The following MACF1 variants were observed in gnomAD, a reference collection of about 807,000 sequenced individuals.
MACF1 encodes the protein microtubule-actin cross-linking factor 1.
Under a neutral mutation model 854.8 loss-of-function variants are expected in MACF1, and 193 were observed. The ratio of observed to expected loss-of-function variants is 0.23; its 90% CI spans 0.20 to 0.25. The LOEUF (loss-of-function observed/expected upper bound fraction) is 0.25. Among genes scored for constraint, MACF1 ranks in the 10% least tolerant of loss-of-function variants. MACF1 has a pLI of 1.00. For missense variants in MACF1, 7,722 were observed against 8,929.1 expected (o/e 0.86, Z 5.45); for synonymous variants, 3,185 against 3,226.7 (o/e 0.99, Z 0.44).
At chr1:39,117,733 G>C (rs548451269) in intron 2 of MACF1, among the ~76,000 whole-genome samples, 104 of 152,264 alleles carry the variant, frequency 6.8e-4, no homozygotes, top group Non-Finnish European at 1.3e-3. Flanking sequence ...AACACTGAGA[G>C]TTCATAAACC....
At chr1:39,338,276 G>T (rs1204572701) in intron 38 of MACF1, among the ~76,000 whole-genome samples, 1 of 149,936 alleles carries the variant, frequency 6.7e-6, no homozygotes, top group Non-Finnish European at 1.5e-5. Context: ...TTTTTTTAGT[G>T]CATAAATTCA....
chr1:39,220,481 A>ATT (rs370805398), intron 1 of MACF1, among the ~76,000 whole-genome samples: 72,041 of 126,432 alleles, frequency 0.57, 22,570 homozygotes, highest in South Asian at 0.77. Flanking sequence ...CCTTTAATGA[A>ATT]TTTTTTTTTT....
Position 39,089,947 on chromosome 1 carries a change from G to A in MACF1, c.220+5509G>A, listed in dbSNP as rs1641764195. 2.0e-5 allele frequency among the ~76,000 whole-genome samples: 3 copies of A among 152,204 alleles called. No individual in the cohort carries two copies. The South Asian group carries it at 6.2e-4, about 31-fold the overall frequency. On this transcript the variant is annotated intron_variant, in intron 2 of 93. Transcript: ENST00000361689. ...ACTGCACTTAACAGTGTCATTCCTT[G>A]TAACCTCCCTGGCAGCCAGATGAGG...
rs374265358 is a variant in MACF1, at chr1:39,336,421, G to A, written c.9833G>A (p.Gly3278Glu). Residue 3278 changes from glycine to glutamate, a missense_variant, in exon 37 of 101, where the codon GGA becomes GAA. By Grantham distance (98) the Gly-to-Glu change is moderately conservative. Around this residue, in one of 15 missense-constraint regions of MACF1, gnomAD observed 854 missense variants for 852.6 expected, o/e 1.00. Transcript: ENST00000564288. ...GSFLPEKLFKGVSQKENTGQQ... is the reference protein window; with the variant it reads ...GSFLPEKLFKEVSQKENTGQQ... ...TTTCTTCCAGAGAAACTGTTCAAAG[G>A]AGTGTCTCAAAAAGAGAATACAGGG... The A allele has an allele frequency of 1.2e-6, 2 of 1,614,146 alleles. No individual in the cohort carries two copies. Among genetic ancestry groups the A allele is most frequent in the South Asian group, 2.2e-5 (2 of 91,072 alleles).
At chr1:39,347,694 C>G (rs1231584784) in intron 41 of MACF1, among the ~76,000 whole-genome samples, 1 of 152,134 alleles carries the variant, frequency 6.6e-6, no homozygotes, top group Admixed American at 6.6e-5. Flanking sequence ...CCTTAAGTGG[C>G]TGACAAGGAA....
intron 58 of MACF1, chr1:39,413,284 G>T (rs377275372): frequency 2.1e-5 from 34 of 1,601,308 alleles, no homozygotes; most frequent in Middle Eastern, 3.5e-4. Flanking sequence ...AGCTGCTGCA[G>T]TGCCCACCCC....
chr1:39,439,592 C>A, intron 72 of MACF1, 92 bp downstream of exon 72: 2 of 988,610 alleles, frequency 2.0e-6, no homozygotes, highest in Non-Finnish European at 3.1e-6. Context: ...ACTGCTTAGC[C>A]AGGCTGAGTA....
chr1:39,290,243 T>C (rs1645747254), intron 15 of MACF1, among the ~76,000 whole-genome samples: 1 of 152,226 alleles, frequency 6.6e-6, no homozygotes, highest in Non-Finnish European at 1.5e-5. Context: ...TTCATTCTTC[T>C]ACATACAGAT....
At chr1:39,361,266 TC>T (rs1431422228) in intron 48 of MACF1, 93 bp from the exon 49 acceptor site, 3 of 1,252,926 alleles carry the variant, frequency 2.4e-6, no homozygotes, top group Non-Finnish European at 3.4e-6. Flanking sequence ...AGTCCTCCAG[TC>T]CCCCTTGTGA....
intron 43 of MACF1, among the ~76,000 whole-genome samples, chr1:39,352,531 G>T (rs972136005): frequency 2.0e-5 from 3 of 152,134 alleles, no homozygotes; most frequent in African/African-American, 7.2e-5. Context: ...GATTTGTTTT[G>T]TTTTGAGACA....
intron 2 of MACF1, among the ~76,000 whole-genome samples, chr1:39,137,979 C>G (rs984083449): frequency 6.9e-6 from 1 of 145,560 alleles, no homozygotes; most frequent in East Asian, 2.1e-4. Flanking sequence ...GAGGCTGAGG[C>G]AGGAGGATTG....
intron 11 of MACF1, 72 bp downstream of exon 11, chr1:39,284,500 T>C (rs1371862891): frequency 1.1e-6 from 1 of 940,060 alleles, no homozygotes; most frequent in African/African-American, 1.7e-5. Context: ...TGATTATAGA[T>C]TCCTTGTATT....
intron 97 of MACF1, among the ~76,000 whole-genome samples, chr1:39,471,376 T>C (rs1337659075): frequency 6.6e-6 from 1 of 152,230 alleles, no homozygotes; most frequent in African/African-American, 2.4e-5. Flanking sequence ...TACTCATTTA[T>C]GTTGCATATT....
At chr1:39,107,704 G>A (rs994092959) in intron 2 of MACF1, among the ~76,000 whole-genome samples, 1 of 152,190 alleles carries the variant, frequency 6.6e-6, no homozygotes, top group South Asian at 2.1e-4. Flanking sequence ...AGAGTGACCA[G>A]GGGAAGGAGT....
chr1:39,121,305 G>T (rs1458997850), intron 2 of MACF1, among the ~76,000 whole-genome samples: 1 of 152,102 alleles, frequency 6.6e-6, no homozygotes, highest in East Asian at 1.9e-4. Flanking sequence ...CTTAATCACA[G>T]TTCCTTTATG....
intron 2 of MACF1, among the ~76,000 whole-genome samples, chr1:39,147,438 CTTTCT>C (rs1182583579): frequency 7.0e-6 from 1 of 142,382 alleles, no homozygotes; most frequent in East Asian, 2.1e-4. Flanking sequence ...CTTTCCTTTC[CTTTCT>C]TTCCTCTTTC....
intron 49 of MACF1, among the ~76,000 whole-genome samples, chr1:39,367,005 T>G (rs922270529): frequency 7.1e-6 from 1 of 141,422 alleles, no homozygotes; most frequent in Non-Finnish European, 1.5e-5. Context: ...TGGAGTGCAG[T>G]GGCACAATCT....
intron 2 of MACF1, among the ~76,000 whole-genome samples, chr1:39,162,160 C>G (rs960479342): frequency 6.6e-6 from 1 of 151,692 alleles, no homozygotes; most frequent in African/African-American, 2.4e-5. Context: ...GCCACTGTGC[C>G]TGGCTAATTT....
intron 2 of MACF1, among the ~76,000 whole-genome samples, chr1:39,190,994 AAAAC>A (rs1170884744): frequency 2.0e-5 from 3 of 152,122 alleles, no homozygotes; most frequent in African/African-American, 4.8e-5. Flanking sequence ...CTGTGTCTCA[AAAAC>A]AAACAAACAA....
Sources: allele counts gnomAD v4.1 joint callset (sites outside exome capture counted in the v4.1 genomes callset), GRCh38; gene constraint gnomAD v4.1.1; regional missense constraint gnomAD v4.1.1; transcripts MANE v1.5; gene names NCBI Gene and HGNC (gene_info 2026-07-23, HGNC 2026-07-21).